Variants in TTC39C observed in about 807,000 individuals in gnomAD.
TTC39C encodes the protein tetratricopeptide repeat domain 39C.
In TTC39C, 33 loss-of-function variants were observed where a neutral mutation model predicts 76.3. That is an observed-to-expected ratio of 0.43 (90% CI 0.33 to 0.58). The LOEUF is 0.58. TTC39C is among the 20% of genes least tolerant of loss of function. TTC39C has a pLI of 0.04. For missense variants in TTC39C, 595 were observed against 701.4 expected (o/e 0.85, Z 1.71); for synonymous variants, 254 against 260.6 (o/e 0.97, Z 0.24).
chr18:24,082,429 A>G (rs1405183355), intron 5 of TTC39C, among the ~76,000 whole-genome samples: 5 of 152,072 alleles, frequency 3.3e-5, no homozygotes. Flanking sequence ...TTATTTGTGC[A>G]TGATATTTAA....
chr18:24,014,308 CCCTTTCCCTTT>C (rs2083418004), upstream of TTC39C: 1 of 152,400 alleles, frequency 6.6e-6, no homozygotes, highest in African/African-American at 2.4e-5. Flanking sequence ...AGTTCCCCTT[CCCTTTCCCTTT>C]CCTTCCACAT....
chr18:24,004,236 A>T lies in TTC39C; in HGVS notation c.-17+11198A>T, dbSNP rs532004476. The stretch of plus-strand genomic sequence containing the variant: ...GTTGTTCTTTGGCCTGGATTTGGGA[A>T]GGAAGAAATGAGTCCCTGTGGCATC... On this transcript the variant is annotated intron_variant, in intron 1 of 13. Transcript: ENST00000304621. 2.6e-5 allele frequency among the ~76,000 whole-genome samples: 4 copies of T among 152,318 alleles called. No individual in the cohort carries two copies. In the South Asian group the frequency reaches 8.3e-4, roughly 32 times the overall value.
chr18:24,125,527 C>T lies in TTC39C; in HGVS notation c.1397C>T (p.Pro466Leu), dbSNP rs531460860. Residue 466 changes from proline (P) to leucine (L), a missense_variant, in exon 10 of 14, where the codon CCC (proline) becomes CTC (leucine). By Grantham distance (98) the Pro-to-Leu change is moderately conservative. Transcript: ENST00000317571. ...AAAGCTCTTCCAAACTGTTCCTTCCCCAACCTGCAGAGGATGAGTCAAGGT... is the reference window on the plus strand; with the variant it reads ...AAAGCTCTTCCAAACTGTTCCTTCCTCAACCTGCAGAGGATGAGTCAAGGT... ...LWKALPNCSF[P>L]NLQRMSQACH... 3.7e-6 allele frequency: 6 copies of T among 1,614,170 alleles called. No individual in the cohort carries two copies. In the South Asian group the frequency reaches 5.5e-5, roughly 15 times the overall value.
intron 3 of TTC39C, among the ~76,000 whole-genome samples, chr18:24,066,789 G>A (rs1349147646): frequency 1.3e-5 from 2 of 152,170 alleles, no homozygotes; most frequent in Non-Finnish European, 2.9e-5. Flanking sequence ...CTCTGCTCTT[G>A]TTTATGGTGT....
At chr18:24,037,719 G>A (rs1007235256) in intron 1 of TTC39C, among the ~76,000 whole-genome samples, 1 of 152,142 alleles carries the variant, frequency 6.6e-6, no homozygotes, top group Non-Finnish European at 1.5e-5. Context: ...CATGGAATAT[G>A]GTTCCTTTGG....
At chr18:24,068,512 T>C (rs2084196584) in intron 3 of TTC39C, among the ~76,000 whole-genome samples, 1 of 152,254 alleles carries the variant, frequency 6.6e-6, no homozygotes, top group Non-Finnish European at 1.5e-5. Flanking sequence ...CAGAGTGTTC[T>C]ATTCTGAAGT....
chr18:24,073,433 G>A (rs1368714394), intron 4 of TTC39C, among the ~76,000 whole-genome samples: 1 of 152,074 alleles, frequency 6.6e-6, no homozygotes, highest in African/African-American at 2.4e-5. Flanking sequence ...TCTCAGTGTG[G>A]AACACCCCTA....
chr18:24,042,799 G>C (rs1344510714), intron 1 of TTC39C, among the ~76,000 whole-genome samples: 2 of 152,150 alleles, frequency 1.3e-5, no homozygotes, highest in Admixed American at 1.3e-4. Flanking sequence ...AATATACCCT[G>C]TATATTTACG....
At chr18:24,052,822 C>T (rs1023511482) in intron 1 of TTC39C, among the ~76,000 whole-genome samples, 2 of 152,094 alleles carry the variant, frequency 1.3e-5, no homozygotes, top group Non-Finnish European at 2.9e-5. Flanking sequence ...GAAGATGTGG[C>T]GCAGTGGAGT....
intron 6 of TTC39C, among the ~76,000 whole-genome samples, chr18:24,107,904 G>A (rs2084768002): frequency 6.7e-6 from 1 of 149,046 alleles, no homozygotes. Flanking sequence ...GGGGGTACAG[G>A]CATGTGCCAC....
At chr18:23,994,328 A>C (rs1253861322) in intron 1 of TTC39C, 3 of 152,082 alleles carry the variant, frequency 2.0e-5, no homozygotes, top group Non-Finnish European at 4.4e-5. Context: ...AAAAAAAAAA[A>C]ATCAGTTTTA....
intron 8 of TTC39C, chr18:24,123,457 A>C (rs2085003011): frequency 6.1e-6 from 1 of 165,086 alleles, no homozygotes; most frequent in African/African-American, 2.4e-5. Flanking sequence ...CCCAGGCTGG[A>C]GTGCAGTGGT....
intron 4 of TTC39C, among the ~76,000 whole-genome samples, chr18:24,074,447 G>A (rs1599299852): frequency 6.6e-6 from 1 of 152,110 alleles, no homozygotes; most frequent in Admixed American, 6.5e-5. Context: ...GCAACCTCAG[G>A]CATAATTAAA....
At position 24,132,502 on chromosome 18, in the gene TTC39C, C is replaced by T. The variant is rs763388351; in HGVS notation, c.1680C>T (p.Tyr560=). The change falls in exon 14 of 14, where the codon TAC becomes TAT. Residue 560 remains tyrosine (Y), a synonymous_variant. Transcript: ENST00000317571. ...TCTTACAGGAGGATTTCTCTGGCTA[C>T]GACTTTGAAAACAGATTGCATGTCC... is the stretch of plus-strand genomic sequence containing the variant. The part of the protein sequence containing the change: ...LLQAKEDFSG[Y]DFENRLHVRI... 10 of 1,613,902 alleles carry T rather than the reference C, an allele frequency of 6.2e-6. No homozygotes were observed. In the Admixed American group the frequency reaches 8.3e-5, roughly 13 times the overall value.
intron 5 of TTC39C, among the ~76,000 whole-genome samples, chr18:24,081,636 C>T (rs2084376195): frequency 6.6e-6 from 1 of 152,046 alleles, no homozygotes. Flanking sequence ...CAAAATTTTC[C>T]CCAAAAATGT....
chr18:24,048,074 T>C (rs2083907456), intron 1 of TTC39C, among the ~76,000 whole-genome samples: 1 of 152,206 alleles, frequency 6.6e-6, no homozygotes, highest in Non-Finnish European at 1.5e-5. Flanking sequence ...GTTGCTTTAA[T>C]ATGGCAAAAA....
Position 24,114,591 on chromosome 18 carries a change from C to T in TTC39C, c.1022C>T (p.Ala341Val). The stretch of plus-strand genomic sequence containing the variant: ...AGTGCCTTGACATCTTTCCACACTG[C>T]TTTGGAACTTGCAGTAGACCAGAGA... ...INSALTSFHT[A>V]LELAVDQREI... Residue 341 changes from alanine to valine, a missense_variant, in exon 7 of 14, where the codon GCT becomes GTT. Transcript: ENST00000317571. 6.2e-7 allele frequency: 1 copy of T among 1,614,048 alleles called. No individual in the cohort carries two copies. The highest frequency in any genetic ancestry group is 8.5e-7 in the Non-Finnish European group (1 of 1,179,960).
intron 6 of TTC39C, 83 bp from the exon 7 acceptor site, chr18:24,114,471 G>T: frequency 9.3e-7 from 1 of 1,071,746 alleles, no homozygotes; most frequent in East Asian, 2.4e-5. Flanking sequence ...TAACTATGAA[G>T]GAAAAAGATG....
At chr18:24,084,784 C>T (rs985871813) in intron 6 of TTC39C, among the ~76,000 whole-genome samples, 10 of 152,162 alleles carry the variant, frequency 6.6e-5, no homozygotes, top group African/African-American at 2.2e-4. Context: ...ACCTCAGCCT[C>T]CAAAGTAGCT....
Sources: gnomAD v4.1 joint callset for allele counts (sites outside exome capture counted in the v4.1 genomes callset) on GRCh38, gnomAD v4.1.1 for gene constraint, MANE v1.5 for transcripts, NCBI Gene and HGNC (gene_info 2026-07-23, HGNC 2026-07-21) for gene names.